CALN1: variants seen among roughly 807,000 people sequenced by gnomAD.
CALN1 encodes the protein calneuron 1, also known as calcium-binding protein 8.
Under a neutral mutation model 30.6 loss-of-function variants are expected in CALN1, and 17 were observed. The ratio of observed to expected loss-of-function variants is 0.56; its 90% CI spans 0.38 to 0.83. The LOEUF (loss-of-function observed/expected upper bound fraction) is 0.83, where lower values mean the gene tolerates loss of function less well. Among genes scored for constraint, CALN1 ranks in the 40% least tolerant of loss-of-function variants. CALN1 has a pLI of 0.00. For missense variants in CALN1, 291 were observed against 354.9 expected (o/e 0.82, Z 1.45); for synonymous variants, 156 against 131.4 (o/e 1.19, Z -1.28).
At chr7:72,322,000 G>C (rs539996730) in intron 2 of CALN1, among the ~76,000 whole-genome samples, 1 of 152,130 alleles carries the variant, frequency 6.6e-6, no homozygotes, top group Non-Finnish European at 1.5e-5. Flanking sequence ...CCCATGGACC[G>C]GGGGCAGGAG....
chr7:72,232,987 G>A (rs1005595933), intron 3 of CALN1, among the ~76,000 whole-genome samples: 1 of 151,874 alleles, frequency 6.6e-6, no homozygotes, highest in Non-Finnish European at 1.5e-5. Flanking sequence ...AACATGTTTA[G>A]CATGTTTCCA....
At chr7:72,278,900 G>A in intron 2 of CALN1, 90 bp from the exon 3 acceptor site, 1 of 1,500,966 alleles carries the variant, frequency 6.7e-7, no homozygotes, top group South Asian at 1.2e-5. Flanking sequence ...ATTTTCAGAT[G>A]GCCAGTGTCA....
chr7:72,206,890 C>A (rs767918496), intron 3 of CALN1, among the ~76,000 whole-genome samples: 3 of 152,156 alleles, frequency 2.0e-5, no homozygotes, highest in Non-Finnish European at 4.4e-5. Context: ...ACAGCTGCAA[C>A]ATGGGAATCT....
At chr7:72,324,683 G>C (rs908892343) in intron 2 of CALN1, among the ~76,000 whole-genome samples, 4 of 152,004 alleles carry the variant, frequency 2.6e-5, no homozygotes, top group Non-Finnish European at 5.9e-5. Context: ...CCGGGTTCAA[G>C]TGATTCTCCT....
intron 5 of CALN1, among the ~76,000 whole-genome samples, chr7:71,948,145 T>A (rs1796501127): frequency 6.6e-6 from 1 of 151,952 alleles, no homozygotes; most frequent in African/African-American, 2.4e-5. Flanking sequence ...CTGAGGAAGA[T>A]GTTTGTATTA....
intron 2 of CALN1, among the ~76,000 whole-genome samples, chr7:72,309,254 AT>A (rs1190561222): frequency 6.6e-6 from 1 of 152,184 alleles, no homozygotes; most frequent in Non-Finnish European, 1.5e-5. Context: ...GCATTCATTT[AT>A]CCTAGAAATC....
intron 4 of CALN1, among the ~76,000 whole-genome samples, chr7:72,058,816 G>C (rs1221907167): frequency 6.6e-6 from 1 of 152,134 alleles, no homozygotes; most frequent in African/African-American, 2.4e-5. Flanking sequence ...TTGCAATGCA[G>C]TGCAAAAGGA....
At chr7:72,066,262 A>T (rs1156498918) in intron 4 of CALN1, among the ~76,000 whole-genome samples, 1 of 152,186 alleles carries the variant, frequency 6.6e-6, no homozygotes, top group Non-Finnish European at 1.5e-5. Flanking sequence ...GCACTGCTAA[A>T]ACTTTTCAAC....
At position 72,137,502 on chromosome 7, in the gene CALN1, G is replaced by A. The variant is rs1316887516; in HGVS notation, c.245-31208C>T. On this transcript the variant is annotated intron_variant, in intron 3 of 6. Transcript: ENST00000395275. The stretch of plus-strand genomic sequence containing the variant: ...TTAGAAAAATGATACTGACAGACTT[G>A]CCCAACCACAGGGTTGCCACAAACC... Among the ~76,000 whole-genome samples, 3 of 152,158 alleles carry A rather than the reference G, an allele frequency of 2.0e-5. No homozygotes were observed. The East Asian group carries it at 5.8e-4, about 29-fold the overall frequency.
chr7:72,230,723 T>G (rs1340252129), intron 3 of CALN1, among the ~76,000 whole-genome samples: 1 of 152,158 alleles, frequency 6.6e-6, no homozygotes, highest in Admixed American at 6.6e-5. Flanking sequence ...CCCAGTAAGA[T>G]GCATTCCAAA....
At chr7:72,191,866 C>T (rs974113423) in intron 3 of CALN1, among the ~76,000 whole-genome samples, 4 of 152,158 alleles carry the variant, frequency 2.6e-5, no homozygotes, top group Admixed American at 6.5e-5. Context: ...AGCAGAGCCG[C>T]ACGCTCCCCG....
intron 3 of CALN1, among the ~76,000 whole-genome samples, chr7:72,225,703 CTT>C (rs1793623066): frequency 6.6e-6 from 1 of 152,160 alleles, no homozygotes; most frequent in Non-Finnish European, 1.5e-5. Flanking sequence ...TCCATGTGCT[CTT>C]TGCGAGAAAA....
intron 5 of CALN1, among the ~76,000 whole-genome samples, chr7:71,878,035 A>G (rs1351937358): frequency 6.6e-6 from 1 of 152,178 alleles, no homozygotes; most frequent in Non-Finnish European, 1.5e-5. Flanking sequence ...AAGATTTTGC[A>G]TTTCTAACAA....
chr7:72,415,076 C>T (rs937839388), upstream of CALN1, among the ~76,000 whole-genome samples: 4 of 152,230 alleles, frequency 2.6e-5, no homozygotes, highest in Non-Finnish European at 4.4e-5. Context: ...GAAAGGAGTC[C>T]TCCCTAGAAC....
Position 72,337,175 on chromosome 7 carries a change from G to A in CALN1, c.120-58365C>T, listed in dbSNP as rs1250982663. ...GCCCTAGAAACTCCATGCAGCTCCG[G>A]CCTCCTCCCCAGCTCCTCCCCAGCG... On this transcript the variant is annotated intron_variant, in intron 2 of 6. Coordinates refer to ENST00000395275, the MANE Select transcript of CALN1 (RefSeq NM_031468.4). 5 of 985,164 alleles carry A rather than the reference G, an allele frequency of 5.1e-6. No homozygotes were observed. The East Asian group carries it at 5.7e-4, about 112-fold the overall frequency. 61.0% of individuals were successfully genotyped at this position (985,164 alleles called of 1,614,324 possible). A position where few individuals can be genotyped will look rare whatever the true frequency, so the allele number is the denominator to read the frequency against.
chr7:71,981,052 T>A (rs1310757028), intron 5 of CALN1, among the ~76,000 whole-genome samples: 1 of 152,136 alleles, frequency 6.6e-6, no homozygotes, highest in Non-Finnish European at 1.5e-5. Flanking sequence ...TGGCTAAGAC[T>A]ACAGGAGTCT....
At chr7:72,240,053 G>C (rs1180828826) in intron 3 of CALN1, among the ~76,000 whole-genome samples, 1 of 152,134 alleles carries the variant, frequency 6.6e-6, no homozygotes, top group African/African-American at 2.4e-5. Context: ...CAATCCTGGA[G>C]AGAATCCTAG....
At chr7:72,382,062 A>T (rs149754448) in intron 2 of CALN1, among the ~76,000 whole-genome samples, 20 of 152,290 alleles carry the variant, frequency 1.3e-4, no homozygotes, top group African/African-American at 4.8e-4. Flanking sequence ...TTATGGGTGG[A>T]GGGGATAAAA....
At chr7:72,495,105 G>A in the CALN1 span, among the ~76,000 whole-genome samples, 2,744 of 152,270 alleles carry the variant, frequency 0.018, 87 homozygotes, top group African/African-American at 0.061. Flanking sequence ...AATTCTAGGA[G>A]GCAAGAATCA....
Sources: gnomAD v4.1 joint callset for allele counts (sites outside exome capture counted in the v4.1 genomes callset) on GRCh38, gnomAD v4.1.1 for gene constraint, MANE v1.5 for transcripts, NCBI Gene and HGNC (gene_info 2026-07-23, HGNC 2026-07-21) for gene names.